SCFD2: variants seen among roughly 807,000 people sequenced by gnomAD.
SCFD2 encodes sec1 family domain containing 2.
In SCFD2, 54 loss-of-function variants were observed where a neutral mutation model predicts 58.9. The ratio of observed to expected loss-of-function variants is 0.92; its 90% CI spans 0.74 to 1.15. The LOEUF is 1.15. Among genes scored for constraint, SCFD2 ranks in the 50% most tolerant of loss-of-function variants. The probability of loss-of-function intolerance (pLI) is 0.00; values close to 1 mark genes in which losing one functional copy is unlikely to be tolerated. For synonymous variants in SCFD2, 321 were observed against 335.9 expected, an observed-to-expected ratio of 0.96 and a Z score of 0.49; for missense variants, 805 against 836.6, an observed-to-expected ratio of 0.96 and a Z score of 0.47.
chr4:53,327,479 C>T (rs543550103), intron 2 of SCFD2, among the ~76,000 whole-genome samples: 1 of 152,096 alleles, frequency 6.6e-6, no homozygotes, highest in Non-Finnish European at 1.5e-5. Flanking sequence ...AGCAGGTGAG[C>T]AGACTGAGAA....
intron 1 of SCFD2, among the ~76,000 whole-genome samples, chr4:53,360,274 G>T (rs1159024678): frequency 6.6e-6 from 1 of 152,144 alleles, no homozygotes; most frequent in African/African-American, 2.4e-5. Flanking sequence ...TATCCAAAAG[G>T]TATCTATTAA....
chr4:52,876,285 C>T (rs1718472129), intron 8 of SCFD2, among the ~76,000 whole-genome samples: 1 of 152,206 alleles, frequency 6.6e-6, no homozygotes, highest in Non-Finnish European at 1.5e-5. Flanking sequence ...TGCTCAGCAA[C>T]TGTGAGCTGC....
intron 5 of SCFD2, among the ~76,000 whole-genome samples, chr4:52,987,997 G>T (rs1721536668): frequency 6.6e-6 from 1 of 152,196 alleles, no homozygotes; most frequent in East Asian, 1.9e-4. Context: ...GCGAAGATCA[G>T]AGAGTGTGAC....
At chr4:53,253,530 A>C (rs1730477962) in intron 4 of SCFD2, among the ~76,000 whole-genome samples, 1 of 152,178 alleles carries the variant, frequency 6.6e-6, no homozygotes, top group African/African-American at 2.4e-5. Flanking sequence ...AAAATGTGGC[A>C]CATATACACC....
At chr4:52,925,256 T>G (rs148779028) in intron 5 of SCFD2, among the ~76,000 whole-genome samples, 1 of 128,980 alleles carries the variant, frequency 7.8e-6, no homozygotes, top group Non-Finnish European at 1.6e-5. Flanking sequence ...TAAGGCCACA[T>G]GTGTATATAT....
intron 5 of SCFD2, among the ~76,000 whole-genome samples, chr4:53,004,547 G>A (rs564689973): frequency 3.9e-5 from 6 of 152,278 alleles, no homozygotes; most frequent in African/African-American, 1.4e-4. Context: ...GACAGAGGAA[G>A]GAACTAAGGC....
At chr4:53,295,367 G>A (rs1436269600) in intron 3 of SCFD2, among the ~76,000 whole-genome samples, 1 of 152,118 alleles carries the variant, frequency 6.6e-6, no homozygotes. Context: ...TCCCTTGCAA[G>A]TTGAATTCCA....
intron 3 of SCFD2, among the ~76,000 whole-genome samples, chr4:53,276,312 C>T (rs994978714): frequency 4.0e-5 from 6 of 151,748 alleles, no homozygotes; most frequent in African/African-American, 1.5e-4. Flanking sequence ...TTTTTAGGTA[C>T]GTTAAAAAGT....
chr4:53,098,281 A>C (rs1422204672), intron 5 of SCFD2, among the ~76,000 whole-genome samples: 1 of 152,212 alleles, frequency 6.6e-6, no homozygotes, highest in Non-Finnish European at 1.5e-5. Context: ...GAATAGTTTC[A>C]GAAGGAATGG....
intron 3 of SCFD2, among the ~76,000 whole-genome samples, chr4:53,301,198 G>A (rs868657429): frequency 4.2e-4 from 63 of 149,204 alleles, no homozygotes; most frequent in African/African-American, 9.7e-4. Flanking sequence ...TTGATAGACC[G>A]CTAGCAAGAC....
chr4:52,970,335 CT>C (rs1721066452), intron 5 of SCFD2, among the ~76,000 whole-genome samples: 1 of 152,234 alleles, frequency 6.6e-6, no homozygotes, highest in Non-Finnish European at 1.5e-5. Flanking sequence ...TGCACTTTTC[CT>C]ACAGTCTTAG....
At chr4:53,254,245 G>A (rs1298114778) in intron 4 of SCFD2, among the ~76,000 whole-genome samples, 2 of 152,116 alleles carry the variant, frequency 1.3e-5, no homozygotes, top group Non-Finnish European at 2.9e-5. Context: ...GGACCAGGTG[G>A]AGGTAATTGG....
At chr4:53,214,464 G>C (rs1037119655) in intron 4 of SCFD2, among the ~76,000 whole-genome samples, 2 of 152,078 alleles carry the variant, frequency 1.3e-5, no homozygotes, top group Non-Finnish European at 2.9e-5. Flanking sequence ...CTTTTGAGAA[G>C]TGTCTGTTCA....
chr4:53,176,947 C>CAAAAAAAAAAAAAAAAAGAAAAAAAAAA, intron 4 of SCFD2, among the ~76,000 whole-genome samples: 1 of 124,706 alleles, frequency 8.0e-6, no homozygotes, highest in Non-Finnish European at 1.7e-5. Context: ...ACAACAATCT[C>CAAAAAAAAAAAAAAAAAGAAAAAAAAAA]AAAAAAAAAA....
chr4:53,061,142 T>C (rs1400937860), intron 5 of SCFD2, among the ~76,000 whole-genome samples: 1 of 152,216 alleles, frequency 6.6e-6, no homozygotes, highest in African/African-American at 2.4e-5. Flanking sequence ...TTAATTAAAA[T>C]ATGCTAAGAG....
chr4:52,990,992 G>T (rs141973171), intron 5 of SCFD2, among the ~76,000 whole-genome samples: 27 of 152,308 alleles, frequency 1.8e-4, no homozygotes, highest in African/African-American at 6.3e-4. Flanking sequence ...TGTGAGGCAG[G>T]CCCTTCAGTG....
At chr4:53,296,908 T>C (rs1732054488) in intron 3 of SCFD2, among the ~76,000 whole-genome samples, 1 of 152,318 alleles carries the variant, frequency 6.6e-6, no homozygotes, top group East Asian at 1.9e-4. Context: ...CAGTAGTCAT[T>C]CAGGAGGAGG....
chr4:53,028,107 C>T (rs1354412889), intron 5 of SCFD2, among the ~76,000 whole-genome samples: 4 of 151,042 alleles, frequency 2.6e-5, no homozygotes, highest in African/African-American at 9.7e-5. Flanking sequence ...ATTAGCTGGG[C>T]GTGGTGGCAG....
At chr4:53,009,854 T>G (rs998112755) in intron 5 of SCFD2, among the ~76,000 whole-genome samples, 17 of 152,160 alleles carry the variant, frequency 1.1e-4, no homozygotes, top group African/African-American at 3.9e-4. Flanking sequence ...GCACACACAT[T>G]CCAGGTGGGA....
Sources: gnomAD v4.1 joint callset for allele counts (sites outside exome capture counted in the v4.1 genomes callset) on GRCh38, gnomAD v4.1.1 for gene constraint, MANE v1.5 for transcripts, NCBI Gene and HGNC (gene_info 2026-07-23, HGNC 2026-07-21) for gene names.